Variants in ESRRA observed in about 807,000 individuals in gnomAD.
ESRRA encodes estrogen related receptor alpha.
A neutral mutation model predicts 35.6 loss-of-function variants in ESRRA; 7 were observed. The ratio of observed to expected loss-of-function variants is 0.20; its 90% CI spans 0.11 to 0.37. ESRRA has a LOEUF of 0.37. ESRRA is among the 10% of genes least tolerant of loss of function. ESRRA has a pLI of 1.00. For missense variants in ESRRA, 378 were observed against 561.7 expected, an observed-to-expected ratio of 0.67 and a Z score of 3.31; for synonymous variants, 223 against 246.9, an observed-to-expected ratio of 0.90 and a Z score of 0.91.
rs544336819 is a variant in ESRRA, at chr11:64,311,982, C to CTTTTTTTTTT, written c.326-1965_326-1956dup. Among the ~76,000 whole-genome samples, 77 of 68,400 alleles carry CTTTTTTTTTT rather than the reference C, an allele frequency of 1.1e-3. 16 individuals are homozygous for CTTTTTTTTTT. In the South Asian group the frequency reaches 0.015, roughly 13 times the overall value. 44.9% of individuals were successfully genotyped at this position (68,400 alleles called of 152,430 possible). On this transcript the variant is annotated intron_variant, in intron 2 of 6. Coordinates refer to ENST00000000442, the MANE Select transcript of ESRRA (RefSeq NM_004451.5). ...ATAGGCGTGAGCCACTGCGCCTGGCCTTTTTTTTTTTTTGGTACAGAGTTT... is the reference window on the plus strand; with the variant it reads ...ATAGGCGTGAGCCACTGCGCCTGGCCTTTTTTTTTTTTTTTTTTTTTTTGGTACAGAGTTT...
chr11:64,312,140 G>A (rs1285886421), intron 2 of ESRRA, among the ~76,000 whole-genome samples: 2 of 145,422 alleles, frequency 1.4e-5, no homozygotes, highest in African/African-American at 5.1e-5. Context: ...CACCATGTCC[G>A]GCTAATTTTT....
rs1214187837 is a variant in ESRRA at position 64,305,789 on chromosome 11, G to T, written c.-13+53G>T. ...CGGGGGTGGGCGGGCGGGGCGCGGG[G>T]GCCATGTGCGAGCGCGGCAGGGAGG... On this transcript the variant is annotated intron_variant, in intron 1 of 6. Transcript: ENST00000000442. The surrounding 1 kb of genome is among the most constrained non-coding windows in gnomAD (Gnocchi z 5.8). The T allele has an allele frequency of 7.9e-5, 12 of 151,664 alleles. No homozygotes were observed. Among genetic ancestry groups the T allele is most frequent in the African/African-American group, 2.9e-4 (12 of 41,394 alleles). 9.4% of individuals were successfully genotyped at this position (151,664 alleles called of 1,614,324 possible). A position where few individuals can be genotyped will look rare whatever the true frequency, so the allele number is the denominator to read the frequency against.
At position 64,316,450 on chromosome 11, in the gene ESRRA, A is replaced by G. The variant is rs1404344261; in HGVS notation, c.*484A>G. 1 of 202,932 alleles carries G rather than the reference A, an allele frequency of 4.9e-6. No homozygotes were observed. 12.6% of individuals were successfully genotyped at this position (202,932 alleles called of 1,614,324 possible). A position where few individuals can be genotyped will look rare whatever the true frequency, so the allele number is the denominator to read the frequency against. The stretch of plus-strand genomic sequence containing the variant: ...GGCATTAGTGTCCCCCCTTGAAGCA[A>G]TAACTCCAAGCAGACTCCAGCCCCT... On this transcript the variant is annotated 3_prime_UTR_variant, in exon 7 of 7. Transcript: ENST00000000442.
In ESRRA at chr11:64,313,983, G is replaced by A. The variant is rs754815234; in HGVS notation, c.358G>A (p.Glu120Lys). 1.8e-5 allele frequency: 29 copies of A among 1,582,916 alleles called. No homozygotes were observed. Among genetic ancestry groups the A allele is most frequent in the Non-Finnish European group, 2.3e-5 (27 of 1,164,744 alleles). Residue 120 changes from glutamate (E) to lysine (K), a missense_variant, in exon 3 of 7, where the codon GAG (glutamate) becomes AAG (lysine). Physicochemically the swap from Glu to Lys is moderately conservative, Grantham distance 56. This residue lies in a region of ESRRA where 284 missense variants were observed against 411.7 expected (regional missense o/e 0.69). Coordinates refer to ENST00000000442, the MANE Select transcript of ESRRA (RefSeq NM_004451.5). The surrounding 1 kb of genome is among the most constrained non-coding windows in gnomAD (Gnocchi z 4.0). ...CGAGTACAGCTGTCCGGCCTCCAAC[G>A]AGTGTGAGATCACCAAGCGGAGACG... ...SIEYSCPASN[E>K]CEITKRRRKA...
At chr11:64,314,470 C>T in intron 4 of ESRRA, 103 bp downstream of exon 4, 1 of 1,332,586 alleles carries the variant, frequency 7.5e-7, no homozygotes, top group Non-Finnish European at 1.0e-6. Flanking sequence ...CGTCTCTTCA[C>T]TCACTCATTT....
chr11:64,315,220 T>C lies in ESRRA; in HGVS notation c.962T>C (p.Leu321Pro). The C allele has an allele frequency of 6.2e-7, 1 of 1,607,832 alleles. No individual in the cohort carries two copies. The highest frequency in any genetic ancestry group is 8.5e-7 in the Non-Finnish European group (1 of 1,176,300). Residue 321 changes from leucine (L) to proline (P), a missense_variant, in exon 6 of 7, where the codon CTG becomes CCG. Transcript: ENST00000000442. The stretch of plus-strand genomic sequence containing the variant: ...GTGCGGCGGCTGCAGGCCCTGCGGC[T>C]GGAGCGAGAGGAGTATGTTCTACTA... ...QLVRRLQALR[L>P]EREEYVLLKA... is the part of the protein sequence containing the mutation.
intron 4 of ESRRA, 53 bp downstream of exon 4, chr11:64,314,420 A>G (rs2035200633): frequency 2.0e-6 from 3 of 1,483,176 alleles, no homozygotes; most frequent in Non-Finnish European, 1.8e-6. Context: ...TATGTGTGGC[A>G]TCATAGTTAC....
rs766395405 is a variant in ESRRA at position 64,313,981 on chromosome 11, A to G, written c.356A>G (p.Asn119Ser). The G allele has an allele frequency of 7.0e-6, 11 of 1,582,476 alleles. No individual in the cohort carries two copies. Among genetic ancestry groups the G allele is most frequent in the African/African-American group, 1.3e-5 (1 of 74,308 alleles). Residue 119 changes from asparagine (N) to serine (S), a missense_variant, in exon 3 of 7, where the codon AAC becomes AGC. Asn to Ser is a conservative substitution (Grantham distance 46, BLOSUM62 1). Transcript: ENST00000000442. This position sits in a 1 kb window ranked among gnomAD's most constrained non-coding sequence, Gnocchi z 4.0. ...GSIEYSCPAS[N>S]ECEITKRRRK... ...ATCGAGTACAGCTGTCCGGCCTCCA[A>G]CGAGTGTGAGATCACCAAGCGGAGA...
intron 2 of ESRRA, among the ~76,000 whole-genome samples, chr11:64,312,586 C>T (rs2035163014): frequency 6.6e-6 from 1 of 152,258 alleles, no homozygotes; most frequent in Non-Finnish European, 1.5e-5. Context: ...CAGCACCCAC[C>T]ATGTGCCAGG....
Position 64,313,881 on chromosome 11 carries a change from G to A in ESRRA, c.326-70G>A. On this transcript the variant is annotated intron_variant, in intron 2 of 6. Transcript: ENST00000000442. This position sits in a 1 kb window ranked among gnomAD's most constrained non-coding sequence, Gnocchi z 4.0. ...CTGTGCTTGCCCGGGGAGAGTCAGG[G>A]CTCTCCTGTCAGCTGGGTCCCCTCC... 1 of 1,079,772 alleles carries A rather than the reference G, an allele frequency of 9.3e-7. No individual in the cohort carries two copies. Among genetic ancestry groups the A allele is most frequent in the South Asian group, 1.5e-5 (1 of 66,806 alleles). The allele number at this position is 1,079,772 out of a possible 1,614,324, so 66.9% of individuals were successfully genotyped here.
chr11:64,313,907 C>A lies in ESRRA; in HGVS notation c.326-44C>A. 1 of 1,427,802 alleles carries A rather than the reference C, an allele frequency of 7.0e-7. No homozygotes were observed. The highest frequency in any genetic ancestry group is 9.5e-7 in the Non-Finnish European group (1 of 1,047,450). The allele number at this position is 1,427,802 out of a possible 1,614,324, so 88.4% of individuals were successfully genotyped here. A position where few individuals can be genotyped will look rare whatever the true frequency, so the allele number is the denominator to read the frequency against. On this transcript the variant is annotated intron_variant, in intron 2 of 6. Transcript: ENST00000000442. This position sits in a 1 kb window ranked among gnomAD's most constrained non-coding sequence, Gnocchi z 4.0. ...CTCTCCTGTCAGCTGGGTCCCCTCC[C>A]AGCCCCGGGAGGCCGCCACTGGAGC...
Position 64,305,769 on chromosome 11 carries a change from G to A in ESRRA, c.-13+33G>A, listed in dbSNP as rs2035018502. The A allele has an allele frequency of 1.3e-5, 2 of 150,490 alleles. No homozygotes were observed. The allele number at this position is 150,490 out of a possible 1,614,324, so 9.3% of individuals were successfully genotyped here. On this transcript the variant is annotated intron_variant, in intron 1 of 6. Coordinates refer to ENST00000000442, the MANE Select transcript of ESRRA (RefSeq NM_004451.5). This position sits in a 1 kb window ranked among gnomAD's most constrained non-coding sequence, Gnocchi z 5.8. ...GGCGGAGGGGAGCGCTGCCGCGGGG[G>A]TGGGCGGGCGGGGCGCGGGGGCCAT...
intron 2 of ESRRA, among the ~76,000 whole-genome samples, chr11:64,311,446 C>T (rs1371241633): frequency 4.0e-5 from 6 of 149,546 alleles, no homozygotes; most frequent in Admixed American, 2.7e-4. Flanking sequence ...GACGGAGTCT[C>T]GCTTTGTTGC....
intron 2 of ESRRA, among the ~76,000 whole-genome samples, chr11:64,308,960 C>G (rs1168092989): frequency 1.3e-5 from 2 of 149,676 alleles, no homozygotes; most frequent in Non-Finnish European, 3.0e-5. Context: ...ACTGAAAATA[C>G]AAAAATTAGC....
In ESRRA at chr11:64,311,982, C is replaced by CTTTTTTTTTTTTTTT. The variant is rs544336819; in HGVS notation, c.326-1956_326-1955insTTTTTTTTTTTTTTT. Among the ~76,000 whole-genome samples, 23 of 68,400 alleles carry CTTTTTTTTTTTTTTT rather than the reference C, an allele frequency of 3.4e-4. 4 individuals are homozygous for CTTTTTTTTTTTTTTT. The highest frequency in any genetic ancestry group is 7.0e-4 in the Admixed American group (3 of 4,298). 44.9% of individuals were successfully genotyped at this position (68,400 alleles called of 152,430 possible). Reference sequence around the variant, plus strand: ...ATAGGCGTGAGCCACTGCGCCTGGCCTTTTTTTTTTTTTGGTACAGAGTTT... The same window carrying CTTTTTTTTTTTTTTT: ...ATAGGCGTGAGCCACTGCGCCTGGCCTTTTTTTTTTTTTTTTTTTTTTTTTTTTGGTACAGAGTTT... On this transcript the variant is annotated intron_variant, in intron 2 of 6. Transcript: ENST00000000442.
intron 2 of ESRRA, among the ~76,000 whole-genome samples, chr11:64,312,862 G>A (rs935211172): frequency 1.3e-5 from 2 of 152,204 alleles, no homozygotes; most frequent in Non-Finnish European, 2.9e-5. Flanking sequence ...AGAGCTCCAG[G>A]CAGGGCCTGT....
intron 2 of ESRRA, among the ~76,000 whole-genome samples, chr11:64,308,243 A>G (rs1334412611): frequency 6.6e-6 from 1 of 152,136 alleles, no homozygotes; most frequent in African/African-American, 2.4e-5. Flanking sequence ...GGCCGGACAC[A>G]GTTGCTCACA....
intron 1 of ESRRA, 194 bp from the exon 2 acceptor site, chr11:64,306,972 ACT>A (rs994536493): frequency 6.4e-5 from 29 of 454,906 alleles, no homozygotes; most frequent in Admixed American, 3.3e-4. Context: ...GGCCCTGAAG[ACT>A]CTGTTTCCAT....
Position 64,314,338 on chromosome 11 carries a change from T to C in ESRRA, c.542T>C (p.Leu181Pro), listed in dbSNP as rs756265023. 61 of 1,594,996 alleles carry C rather than the reference T, an allele frequency of 3.8e-5. No homozygotes were observed. Among genetic ancestry groups the C allele is most frequent in the Middle Eastern group, 3.3e-4 (2 of 6,002 alleles). ...CCGGGCCCCTTCCCTGCTGGGCCCC[T>C]GGCAGTCGCTGGAGGCCCCCGGAAG... ...PFPGPFPAGP[L>P]AVAGGPRKTA... Residue 181 changes from leucine (L) to proline (P), a missense_variant, in exon 4 of 7, where the codon CTG becomes CCG. Leu to Pro is a moderately conservative substitution (Grantham distance 98). This residue lies in a region of ESRRA where 284 missense variants were observed against 411.7 expected (regional missense o/e 0.69). Coordinates refer to ENST00000000442, the MANE Select transcript of ESRRA (RefSeq NM_004451.5).
Sources: gnomAD v4.1 joint callset for allele counts (sites outside exome capture counted in the v4.1 genomes callset) on GRCh38, gnomAD v4.1.1 for gene constraint, gnomAD v4.1.1 regional missense constraint, Gnocchi (gnomAD v3.1) non-coding constraint, MANE v1.5 for transcripts, NCBI Gene and HGNC (gene_info 2026-07-23, HGNC 2026-07-21) for gene names.